CNTNAP2: variants seen among roughly 807,000 people sequenced by gnomAD.
The protein encoded by CNTNAP2 is contactin associated protein 2, also known as contactin-associated protein-like 2.
Under a neutral mutation model 155.2 loss-of-function variants are expected in CNTNAP2, and 98 were observed. The observed-to-expected ratio is 0.63, with a 90% confidence interval of 0.54 to 0.75. The LOEUF is 0.75. Among genes scored for constraint, CNTNAP2 ranks in the 30% least tolerant of loss-of-function variants. CNTNAP2 has a pLI of 0.00. For synonymous variants in CNTNAP2, 651 were observed against 631.2 expected, an observed-to-expected ratio of 1.03 and a Z score of -0.47; for missense variants, 1,727 against 1,688.1, an observed-to-expected ratio of 1.02 and a Z score of -0.40.
chr7:147,660,443 C>A (rs1030478834), intron 13 of CNTNAP2, among the ~76,000 whole-genome samples: 28 of 152,196 alleles, frequency 1.8e-4, no homozygotes, highest in African/African-American at 6.3e-4. Context: ...AGACCCAGTG[C>A]TCCCTTGTCT....
chr7:148,047,047 C>T (rs1051813561), intron 15 of CNTNAP2, among the ~76,000 whole-genome samples: 1 of 152,164 alleles, frequency 6.6e-6, no homozygotes, highest in African/African-American at 2.4e-5. Flanking sequence ...TCCTTGGGCC[C>T]CCACCTCCCC....
chr7:146,894,381 C>T (rs1316556965), intron 3 of CNTNAP2, among the ~76,000 whole-genome samples: 2 of 152,088 alleles, frequency 1.3e-5, no homozygotes, highest in African/African-American at 4.8e-5. Flanking sequence ...ATCTTTTGCT[C>T]CTCTTCATCT....
At chr7:148,040,568 T>C (rs1437994699) in intron 15 of CNTNAP2, among the ~76,000 whole-genome samples, 4 of 152,260 alleles carry the variant, frequency 2.6e-5, no homozygotes, top group African/African-American at 9.6e-5. Flanking sequence ...CTGTGCTTTC[T>C]ACCAGTCCTA....
At chr7:146,651,709 C>T (rs1386164939) in intron 1 of CNTNAP2, among the ~76,000 whole-genome samples, 1 of 152,178 alleles carries the variant, frequency 6.6e-6, no homozygotes, top group East Asian at 1.9e-4. Context: ...ATTGCTGTCA[C>T]TCCCTTCCTT....
chr7:148,178,861 A>G (rs187192568), intron 18 of CNTNAP2, among the ~76,000 whole-genome samples: 72 of 152,284 alleles, frequency 4.7e-4, no homozygotes, highest in Admixed American at 1.0e-3. Context: ...TACTTAATTC[A>G]TGTTGTCCTT....
chr7:148,064,128 T>G (rs1056118570), intron 15 of CNTNAP2, among the ~76,000 whole-genome samples: 4 of 152,188 alleles, frequency 2.6e-5, no homozygotes, highest in Admixed American at 2.0e-4. Flanking sequence ...TTTGGTTGAC[T>G]GTAGCCTTAT....
intron 1 of CNTNAP2, among the ~76,000 whole-genome samples, chr7:146,704,673 T>C (rs1800933278): frequency 6.6e-6 from 1 of 152,150 alleles, no homozygotes; most frequent in South Asian, 2.1e-4. Flanking sequence ...GTTAACCAAA[T>C]AGTTTAGGAA....
chr7:146,283,690 C>A, intron 1 of CNTNAP2, among the ~76,000 whole-genome samples: 1 of 152,070 alleles, frequency 6.6e-6, no homozygotes, highest in African/African-American at 2.4e-5. Context: ...AAATTTTTAT[C>A]TACAAATAGA....
intron 4 of CNTNAP2, among the ~76,000 whole-genome samples, chr7:147,078,239 G>A (rs748247109): frequency 6.6e-5 from 10 of 152,160 alleles, no homozygotes; most frequent in Non-Finnish European, 1.5e-4. Context: ...AACTTTATCT[G>A]CGAAATCACT....
rs533895635 is a variant in CNTNAP2, at chr7:146,184,198, C to T, written c.97+67225C>T. Among the ~76,000 whole-genome samples the T allele has an allele frequency of 9.1e-4, 139 of 152,264 alleles. 1 individual carries two copies. The highest frequency in any genetic ancestry group is 3.2e-3 in the African/African-American group (131 of 41,564). Reference sequence around the variant, plus strand: ...AACTTAGGTGCTGTACTGAACTTTGCAACTCTCATAGTATCTAACAGAATG... The same window carrying T: ...AACTTAGGTGCTGTACTGAACTTTGTAACTCTCATAGTATCTAACAGAATG... On this transcript the variant is annotated intron_variant, in intron 1 of 23. Transcript: ENST00000361727.
intron 15 of CNTNAP2, among the ~76,000 whole-genome samples, chr7:148,013,422 A>C (rs1296339552): frequency 6.6e-6 from 1 of 152,234 alleles, no homozygotes; most frequent in African/African-American, 2.4e-5. Context: ...CATATTCCTT[A>C]AAACCTCATT....
chr7:148,282,100 G>T (rs939545705), intron 21 of CNTNAP2, among the ~76,000 whole-genome samples: 2 of 152,086 alleles, frequency 1.3e-5, no homozygotes, highest in African/African-American at 4.8e-5. Flanking sequence ...TGGGATTACA[G>T]TCATAAGCCA....
intron 13 of CNTNAP2, among the ~76,000 whole-genome samples, chr7:147,760,462 T>G (rs1360413551): frequency 6.6e-6 from 1 of 152,178 alleles, no homozygotes; most frequent in Non-Finnish European, 1.5e-5. Context: ...GATACATCAT[T>G]CAGGAGTGAG....
chr7:147,539,118 T>A (rs1799597734), intron 11 of CNTNAP2, among the ~76,000 whole-genome samples: 1 of 152,142 alleles, frequency 6.6e-6, no homozygotes, highest in Non-Finnish European at 1.5e-5. Context: ...TTCAAAAGAA[T>A]ATATATATAC....
chr7:148,350,558 G>T (rs1451767232), intron 21 of CNTNAP2, among the ~76,000 whole-genome samples: 2 of 152,196 alleles, frequency 1.3e-5, no homozygotes, highest in Non-Finnish European at 2.9e-5. Flanking sequence ...TACTGTCTCT[G>T]ACACTAGGTG....
At chr7:147,911,498 G>C (rs1050681458) in intron 14 of CNTNAP2, among the ~76,000 whole-genome samples, 2 of 152,176 alleles carry the variant, frequency 1.3e-5, no homozygotes, top group Non-Finnish European at 2.9e-5. Flanking sequence ...ATGAGGAAGA[G>C]ATTTAATCTA....
intron 11 of CNTNAP2, among the ~76,000 whole-genome samples, chr7:147,490,848 C>T (rs574402909): frequency 9.9e-5 from 15 of 152,178 alleles, no homozygotes; most frequent in East Asian, 9.7e-4. Context: ...TGGTGGAAGG[C>T]GAAGGGGAAG....
At chr7:146,717,056 G>A (rs781296515) in intron 1 of CNTNAP2, among the ~76,000 whole-genome samples, 6 of 152,118 alleles carry the variant, frequency 3.9e-5, no homozygotes, top group East Asian at 1.9e-4. Flanking sequence ...AATTGCCTCC[G>A]TTTATCCCAT....
intron 15 of CNTNAP2, among the ~76,000 whole-genome samples, chr7:148,012,012 A>G (rs924939356): frequency 6.6e-5 from 10 of 152,144 alleles, no homozygotes; most frequent in African/African-American, 2.4e-4. Context: ...TTTCCAAGAT[A>G]AAGGAATGTC....
Sources: gnomAD v4.1 joint callset for allele counts (sites outside exome capture counted in the v4.1 genomes callset) on GRCh38, gnomAD v4.1.1 for gene constraint, MANE v1.5 for transcripts, NCBI Gene and HGNC (gene_info 2026-07-23, HGNC 2026-07-21) for gene names.